The following PHF2 variants were observed in gnomAD, a reference collection of about 807,000 sequenced individuals.
PHF2 encodes lysine-specific demethylase PHF2.
A neutral mutation model predicts 120.5 loss-of-function variants in PHF2; 27 were observed. The ratio of observed to expected loss-of-function variants is 0.22; its 90% confidence interval spans 0.17 to 0.31. The LOEUF (loss-of-function observed/expected upper bound fraction) is 0.31. PHF2 is among the 10% of genes least tolerant of loss of function. PHF2 has a pLI of 1.00. For missense variants in PHF2, 1,024 were observed against 1,434.8 expected, an observed-to-expected ratio of 0.71 and a Z score of 4.63; for synonymous variants, 568 against 592.5, an observed-to-expected ratio of 0.96 and a Z score of 0.60.
intron 3 of PHF2, among the ~76,000 whole-genome samples, chr9:93,639,938 A>C (rs1362717885): frequency 6.6e-6 from 1 of 152,234 alleles, no homozygotes; most frequent in Non-Finnish European, 1.5e-5. Flanking sequence ...TCCAAATATC[A>C]CAGACTGTTC....
intron 1 of PHF2, among the ~76,000 whole-genome samples, chr9:93,613,479 C>T (rs551738004): frequency 1.3e-5 from 2 of 151,858 alleles, no homozygotes; most frequent in East Asian, 1.9e-4. Flanking sequence ...TGCAGTGGTG[C>T]CCAGGCCTGG....
chr9:93,623,936 A>C (rs1825865004), intron 1 of PHF2, among the ~76,000 whole-genome samples: 2 of 152,252 alleles, frequency 1.3e-5, no homozygotes, highest in South Asian at 4.1e-4. Context: ...TACACTGGGC[A>C]CTAGCAGTAA....
chr9:93,677,935 G>A lies in PHF2; in HGVS notation c.*259G>A, dbSNP rs1041280363. Reference sequence around the variant, plus strand: ...AAGCGGCCCTGCAAGTTTGAGGACCGCTTATTCCACTTTAAGGACAGCCTT... The same window carrying A: ...AAGCGGCCCTGCAAGTTTGAGGACCACTTATTCCACTTTAAGGACAGCCTT... On this transcript the variant is annotated 3_prime_UTR_variant, in exon 22 of 22. Coordinates refer to ENST00000359246, the MANE Select transcript of PHF2 (RefSeq NM_005392.4). This position sits in a 1 kb window ranked among gnomAD's most constrained non-coding sequence, Gnocchi z 4.4. 9 of 469,388 alleles carry A rather than the reference G, an allele frequency of 1.9e-5. No individual in the cohort carries two copies. The highest frequency in any genetic ancestry group is 2.3e-5 in the Non-Finnish European group (6 of 263,342). 29.1% of individuals were successfully genotyped at this position (469,388 alleles called of 1,614,324 possible).
At chr9:93,585,284 T>C (rs556438445) in intron 1 of PHF2, among the ~76,000 whole-genome samples, 57 of 152,368 alleles carry the variant, frequency 3.7e-4, no homozygotes, top group Non-Finnish European at 6.3e-4. Context: ...TCTCATATTG[T>C]GTATGGGGTC....
intron 1 of PHF2, among the ~76,000 whole-genome samples, chr9:93,595,403 A>G (rs528890924): frequency 1.3e-5 from 2 of 152,364 alleles, no homozygotes; most frequent in Admixed American, 6.5e-5. Context: ...TGACGCTACA[A>G]TATGAGGAGC....
At chr9:93,667,005 ATCC>A in intron 16 of PHF2, 72 bp from the exon 17 acceptor site, 9 of 1,258,676 alleles carry the variant, frequency 7.2e-6, no homozygotes, top group Non-Finnish European at 9.7e-6. Context: ...GGGAAAAAGT[ATCC>A]TCCTCCCAAC....
At chr9:93,627,071 G>A (rs949971159) in intron 1 of PHF2, among the ~76,000 whole-genome samples, 2 of 152,192 alleles carry the variant, frequency 1.3e-5, no homozygotes, top group African/African-American at 4.8e-5. Flanking sequence ...GGATTGCATT[G>A]AATCTGTAGA....
intron 6 of PHF2, 29 bp from the exon 7 acceptor site, chr9:93,654,384 G>C: frequency 6.2e-7 from 1 of 1,603,642 alleles, no homozygotes; most frequent in East Asian, 2.2e-5. Flanking sequence ...CCCAGTATGG[G>C]CGGCTCTGCC....
chr9:93,618,854 GTGTGGTGTTC>G (rs1278557571), intron 1 of PHF2, among the ~76,000 whole-genome samples: 19 of 131,730 alleles, frequency 1.4e-4, no homozygotes, highest in South Asian at 2.7e-4. Context: ...GTGTGCCTGT[GTGTGGTGTTC>G]GTGTGTCTCT....
intron 1 of PHF2, among the ~76,000 whole-genome samples, chr9:93,616,230 A>C (rs1357038573): frequency 6.6e-6 from 1 of 152,234 alleles, no homozygotes; most frequent in Non-Finnish European, 1.5e-5. Context: ...TATTTTAAAT[A>C]ACCGTGGGAG....
intron 1 of PHF2, among the ~76,000 whole-genome samples, chr9:93,597,740 T>A (rs1207689935): frequency 6.6e-6 from 1 of 152,204 alleles, no homozygotes; most frequent in African/African-American, 2.4e-5. Context: ...GCAGTCACCT[T>A]GCTGCTGAGC....
At chr9:93,644,344 G>A (rs1376617921) in intron 3 of PHF2, among the ~76,000 whole-genome samples, 4 of 148,160 alleles carry the variant, frequency 2.7e-5, no homozygotes, top group African/African-American at 1.0e-4. Flanking sequence ...CCAAGATCAC[G>A]CCATTGCACT....
intron 1 of PHF2, among the ~76,000 whole-genome samples, chr9:93,599,479 G>A (rs1166106896): frequency 6.6e-6 from 1 of 152,232 alleles, no homozygotes; most frequent in Non-Finnish European, 1.5e-5. Context: ...AGTGGCAGAG[G>A]TGGTGCGAGG....
Position 93,656,379 on chromosome 9 carries a change from G to T in PHF2, c.1041-110G>T, listed in dbSNP as rs1034839720. 7.6e-6 allele frequency: 6 copies of T among 788,162 alleles called. No homozygotes were observed. Among genetic ancestry groups the T allele is most frequent in the South Asian group, 1.5e-5 (1 of 64,578 alleles). 48.8% of individuals were successfully genotyped at this position (788,162 alleles called of 1,614,324 possible). A position where few individuals can be genotyped will look rare whatever the true frequency, so the allele number is the denominator to read the frequency against. Reference sequence around the variant, plus strand: ...TTTTCCCCTGGTCCTCCTCAGCTATGCAGGGCCCAGTGGGGAGGCCTGAGC... The same window carrying T: ...TTTTCCCCTGGTCCTCCTCAGCTATTCAGGGCCCAGTGGGGAGGCCTGAGC... On this transcript the variant is annotated intron_variant, in intron 8 of 21. Coordinates refer to ENST00000359246, the MANE Select transcript of PHF2 (RefSeq NM_005392.4). This position sits in a 1 kb window ranked among gnomAD's most constrained non-coding sequence, Gnocchi z 4.1.
intron 14 of PHF2, among the ~76,000 whole-genome samples, chr9:93,664,455 G>A (rs893265793): frequency 9.9e-5 from 15 of 152,208 alleles, no homozygotes; most frequent in East Asian, 1.9e-4. Context: ...AGGCCTGGCC[G>A]GAGTCAGACA....
chr9:93,595,463 A>G (rs1825314156), intron 1 of PHF2, among the ~76,000 whole-genome samples: 1 of 152,240 alleles, frequency 6.6e-6, no homozygotes, highest in Non-Finnish European at 1.5e-5. Context: ...ATTTATGAAA[A>G]TATAATGTAA....
At chr9:93,619,425 G>A (rs1171535819) in intron 1 of PHF2, among the ~76,000 whole-genome samples, 5 of 152,244 alleles carry the variant, frequency 3.3e-5, no homozygotes, top group African/African-American at 9.6e-5. Context: ...GACCTTGCCT[G>A]TACGAGGCTG....
chr9:93,612,954 C>T (rs998500527), intron 1 of PHF2, among the ~76,000 whole-genome samples: 3 of 152,204 alleles, frequency 2.0e-5, no homozygotes, highest in Non-Finnish European at 2.9e-5. Context: ...TCACGTGGAG[C>T]GATGGTGCTG....
chr9:93,669,452 C>T (rs1424990468), intron 17 of PHF2, among the ~76,000 whole-genome samples: 3 of 152,248 alleles, frequency 2.0e-5, no homozygotes. Flanking sequence ...ACTGTGGGGG[C>T]AGCTCCCGGC....
Sources: gnomAD v4.1 joint callset for allele counts (sites outside exome capture counted in the v4.1 genomes callset) on GRCh38, gnomAD v4.1.1 for gene constraint, Gnocchi (gnomAD v3.1) non-coding constraint, MANE v1.5 for transcripts, NCBI Gene and HGNC (gene_info 2026-07-23, HGNC 2026-07-21) for gene names.